Variants in EPHA6 observed in about 807,000 individuals in gnomAD.
EPHA6 encodes EPH receptor A6.
Under a neutral mutation model 112.0 loss-of-function variants are expected in EPHA6, and 50 were observed. The observed-to-expected ratio is 0.45, with a 90% CI of 0.36 to 0.56. The LOEUF (loss-of-function observed/expected upper bound fraction) is 0.56, where lower values mean the gene tolerates loss of function less well. Among genes scored for constraint, EPHA6 ranks in the 20% least tolerant of loss-of-function variants. The pLI is 0.00. For synonymous variants in EPHA6, 529 were observed against 490.7 expected, an observed-to-expected ratio of 1.08 and a Z score of -1.03; for missense variants, 1,280 against 1,417.4, an observed-to-expected ratio of 0.90 and a Z score of 1.56.
intron 2 of EPHA6, among the ~76,000 whole-genome samples, chr3:96,967,376 A>G (rs968679959): frequency 7.3e-5 from 11 of 151,552 alleles, no homozygotes; most frequent in African/African-American, 2.7e-4. Context: ...ATTTACTAGT[A>G]TATTATGAAT....
chr3:97,648,318 C>T, intron 14 of EPHA6: 1 of 1,422,204 alleles, frequency 7.0e-7, no homozygotes, highest in Non-Finnish European at 9.9e-7. Context: ...TTAACCTCTG[C>T]TATTCTGCAT....
intron 3 of EPHA6, among the ~76,000 whole-genome samples, chr3:97,125,186 G>T (rs1047614812): frequency 4.6e-5 from 7 of 152,058 alleles, no homozygotes; most frequent in African/African-American, 1.7e-4. Flanking sequence ...CCACCAGAAG[G>T]GACCATTATT....
intron 5 of EPHA6, among the ~76,000 whole-genome samples, chr3:97,329,991 T>C (rs2082700409): frequency 6.6e-6 from 1 of 152,198 alleles, no homozygotes; most frequent in Admixed American, 6.6e-5. Flanking sequence ...AATTAATTTT[T>C]GTATAAGGCG....
chr3:96,926,790 GC>G (rs2040058083), intron 2 of EPHA6, among the ~76,000 whole-genome samples: 1 of 152,194 alleles, frequency 6.6e-6, no homozygotes, highest in South Asian at 2.1e-4. Flanking sequence ...GCAGGGTACA[GC>G]CCCCCAGCTG....
intron 14 of EPHA6, among the ~76,000 whole-genome samples, chr3:97,715,614 C>G (rs1235798025): frequency 6.6e-6 from 1 of 152,088 alleles, no homozygotes; most frequent in Non-Finnish European, 1.5e-5. Context: ...CAGAATTTTT[C>G]CATTTGGTTC....
intron 3 of EPHA6, among the ~76,000 whole-genome samples, chr3:97,071,462 G>T (rs917601326): frequency 6.6e-6 from 1 of 152,004 alleles, no homozygotes; most frequent in African/African-American, 2.4e-5. Flanking sequence ...CATGACTGGG[G>T]AGGCCTCAGA....
intron 3 of EPHA6, among the ~76,000 whole-genome samples, chr3:97,039,984 A>G (rs901770177): frequency 6.6e-6 from 1 of 151,972 alleles, no homozygotes; most frequent in African/African-American, 2.4e-5. Flanking sequence ...TGGACCTATC[A>G]TCCTGTTGTT....
At chr3:97,050,139 G>C (rs1339034205) in intron 3 of EPHA6, among the ~76,000 whole-genome samples, 1 of 152,124 alleles carries the variant, frequency 6.6e-6, no homozygotes, top group East Asian at 1.9e-4. Flanking sequence ...TCAGACCAAC[G>C]TGATGTGGTA....
chr3:97,501,120 G>T (rs952622552), intron 10 of EPHA6, among the ~76,000 whole-genome samples: 47 of 152,224 alleles, frequency 3.1e-4, no homozygotes, highest in African/African-American at 1.1e-3. Flanking sequence ...AAACTTGATG[G>T]TCACAGTACA....
At chr3:96,889,977 A>C (rs1172116091) in intron 2 of EPHA6, among the ~76,000 whole-genome samples, 1 of 152,066 alleles carries the variant, frequency 6.6e-6, no homozygotes, top group African/African-American at 2.4e-5. Context: ...ATTGGAATAC[A>C]TATATATATT....
chr3:97,426,867 A>T (rs1193361548), intron 6 of EPHA6, among the ~76,000 whole-genome samples: 1 of 152,212 alleles, frequency 6.6e-6, no homozygotes, highest in African/African-American at 2.4e-5. Context: ...CAGCCTCATT[A>T]AAAAATGAGC....
intron 1 of EPHA6, among the ~76,000 whole-genome samples, chr3:96,838,449 C>T (rs961724398): frequency 2.0e-5 from 3 of 152,024 alleles, no homozygotes; most frequent in African/African-American, 7.2e-5. Context: ...AGTATTTCTG[C>T]CTCTAGGTGT....
intron 11 of EPHA6, among the ~76,000 whole-genome samples, chr3:97,562,567 T>C (rs2093206792): frequency 6.6e-6 from 1 of 152,164 alleles, no homozygotes; most frequent in African/African-American, 2.4e-5. Context: ...AGAAAGTGGT[T>C]TCTTGAGGAT....
chr3:97,743,057 G>T (rs1449872081), intron 16 of EPHA6, among the ~76,000 whole-genome samples: 4 of 152,036 alleles, frequency 2.6e-5, no homozygotes, highest in Non-Finnish European at 5.9e-5. Context: ...ACCTATCACT[G>T]CCTCTTTCTC....
intron 3 of EPHA6, among the ~76,000 whole-genome samples, chr3:97,082,468 A>T (rs1489664320): frequency 6.6e-6 from 1 of 151,840 alleles, no homozygotes. Context: ...CTATTTAAAA[A>T]ATTGTTTAGC....
intron 6 of EPHA6, among the ~76,000 whole-genome samples, chr3:97,408,684 G>A (rs1365056180): frequency 1.3e-5 from 2 of 151,920 alleles, no homozygotes; most frequent in South Asian, 4.1e-4. Context: ...GTCCTCACAT[G>A]GCAGAAGGGT....
intron 14 of EPHA6, among the ~76,000 whole-genome samples, chr3:97,662,262 A>G (rs116439839): frequency 2.6e-5 from 4 of 152,218 alleles, no homozygotes; most frequent in Non-Finnish European, 5.9e-5. Flanking sequence ...TAAAATTTTT[A>G]GTAAATGTTA....
At chr3:97,005,470 T>TG (rs2043842190) in intron 3 of EPHA6, among the ~76,000 whole-genome samples, 2 of 152,218 alleles carry the variant, frequency 1.3e-5, no homozygotes, top group Non-Finnish European at 2.9e-5. Context: ...TGATTTTATA[T>TG]TCTGCGACTT....
chr3:97,559,662 G>T, intron 11 of EPHA6: 1 of 455,046 alleles, frequency 2.2e-6, no homozygotes, highest in Non-Finnish European at 4.4e-6. Context: ...GTAAATCAAG[G>T]TACCTGAAAA....
Sources: allele counts gnomAD v4.1 joint callset (sites outside exome capture counted in the v4.1 genomes callset), GRCh38; gene constraint gnomAD v4.1.1; transcripts MANE v1.5; gene names NCBI Gene and HGNC (gene_info 2026-07-23, HGNC 2026-07-21).